The following CTNND2 variants were observed in gnomAD, a reference collection of about 807,000 sequenced individuals.
CTNND2 encodes the protein catenin delta 2, also known as catenin delta-2.
CTNND2 carries 22 observed loss-of-function variants against 144.4 expected under a neutral mutation model. The observed-to-expected ratio is 0.15, with a 90% CI of 0.11 to 0.22. The LOEUF is 0.22. Among genes scored for constraint, CTNND2 ranks in the 10% least tolerant of loss-of-function variants. The pLI is 1.00. For missense variants in CTNND2, 1,353 were observed against 1,618.8 expected, an observed-to-expected ratio of 0.84 and a Z score of 2.82; for synonymous variants, 751 against 695.6, an observed-to-expected ratio of 1.08 and a Z score of -1.25.
At chr5:10,999,985 G>A (rs1319607830) in intron 18 of CTNND2, among the ~76,000 whole-genome samples, 3 of 152,170 alleles carry the variant, frequency 2.0e-5, no homozygotes, top group Admixed American at 1.3e-4. Context: ...CGGTCTTCAC[G>A]GTATTTCTAG....
chr5:11,860,704 T>G (rs1795460049), intron 1 of CTNND2, among the ~76,000 whole-genome samples: 1 of 152,236 alleles, frequency 6.6e-6, no homozygotes, highest in Admixed American at 6.5e-5. Context: ...TTAGAACTTT[T>G]ACTTTACTTT....
At chr5:11,528,841 T>A (rs774355826) in intron 3 of CTNND2, among the ~76,000 whole-genome samples, 4 of 152,242 alleles carry the variant, frequency 2.6e-5, no homozygotes, top group Non-Finnish European at 5.9e-5. Context: ...CAGCAGGCAC[T>A]TTAGACTTCC....
At chr5:11,429,796 C>T (rs1445150851) in intron 3 of CTNND2, among the ~76,000 whole-genome samples, 2 of 152,162 alleles carry the variant, frequency 1.3e-5, no homozygotes, top group Admixed American at 6.5e-5. Flanking sequence ...AGCGGGTTCT[C>T]GCACCCCTCA....
At chr5:11,748,936 A>T (rs912847541) in intron 1 of CTNND2, among the ~76,000 whole-genome samples, 1 of 152,048 alleles carries the variant, frequency 6.6e-6, no homozygotes, top group African/African-American at 2.4e-5. Context: ...GTTATGAAAG[A>T]CACTCAGACT....
intron 16 of CTNND2, among the ~76,000 whole-genome samples, chr5:11,024,360 C>T (rs61751660): frequency 0.013 from 1,940 of 152,152 alleles, 31 homozygotes; most frequent in African/African-American, 0.045. Flanking sequence ...CTGCAAACCC[C>T]CAAATGTAGC....
intron 6 of CTNND2, among the ~76,000 whole-genome samples, chr5:11,393,579 G>T (rs1759819068): frequency 6.6e-6 from 1 of 152,100 alleles, no homozygotes; most frequent in Non-Finnish European, 1.5e-5. Flanking sequence ...AACTTTATGT[G>T]AGTGGAAAAA....
intron 9 of CTNND2, among the ~76,000 whole-genome samples, chr5:11,290,498 C>T (rs748675069): frequency 6.6e-6 from 1 of 152,130 alleles, no homozygotes; most frequent in Non-Finnish European, 1.5e-5. Flanking sequence ...TTAAATACCA[C>T]TTTTATATTG....
chr5:11,773,952 T>C (rs1790096787), intron 1 of CTNND2, among the ~76,000 whole-genome samples: 1 of 152,170 alleles, frequency 6.6e-6, no homozygotes, highest in Non-Finnish European at 1.5e-5. Context: ...TATCTTTTAA[T>C]ATCTGCACTT....
chr5:11,456,904 C>G (rs978328983), intron 3 of CTNND2, among the ~76,000 whole-genome samples: 1 of 152,146 alleles, frequency 6.6e-6, no homozygotes, highest in Non-Finnish European at 1.5e-5. Context: ...CTCTGGTCTT[C>G]ATATTCTGAA....
chr5:11,280,153 T>C (rs192447985), intron 9 of CTNND2, among the ~76,000 whole-genome samples: 50 of 152,228 alleles, frequency 3.3e-4, no homozygotes, highest in African/African-American at 1.2e-3. Context: ...CCCCAACCCA[T>C]CTCTATAAGC....
At chr5:11,198,222 T>A (rs1271157520) in intron 11 of CTNND2, among the ~76,000 whole-genome samples, 1 of 152,248 alleles carries the variant, frequency 6.6e-6, no homozygotes, top group African/African-American at 2.4e-5. Context: ...CCCTGACTCA[T>A]GTCTCCCCAC....
intron 9 of CTNND2, among the ~76,000 whole-genome samples, chr5:11,328,444 T>C (rs258842): frequency 0.98 from 149,883 of 152,166 alleles, 73,822 homozygotes; most frequent in East Asian, 1. Flanking sequence ...CAGGTGCTTG[T>C]CACCAGACCT....
chr5:11,662,052 T>C (rs1214488354), intron 2 of CTNND2, among the ~76,000 whole-genome samples: 1 of 150,324 alleles, frequency 6.7e-6, no homozygotes, highest in Non-Finnish European at 1.5e-5. Flanking sequence ...CACATATATA[T>C]ACATATTTCT....
chr5:11,072,173 A>G (rs964172834), intron 16 of CTNND2, among the ~76,000 whole-genome samples: 16 of 152,248 alleles, frequency 1.1e-4, no homozygotes, highest in African/African-American at 3.9e-4. Flanking sequence ...TCTCAAGGTG[A>G]GGACCACAGG....
At chr5:11,076,962 A>G (rs368266007) in intron 16 of CTNND2, among the ~76,000 whole-genome samples, 1 of 152,270 alleles carries the variant, frequency 6.6e-6, no homozygotes, top group African/African-American at 2.4e-5. Flanking sequence ...GCATGCATCT[A>G]GTAAATTTAT....
At chr5:11,069,228 T>G (rs997409853) in intron 16 of CTNND2, among the ~76,000 whole-genome samples, 1 of 152,210 alleles carries the variant, frequency 6.6e-6, no homozygotes, top group African/African-American at 2.4e-5. Flanking sequence ...ACTTATGGTG[T>G]TGTACACAGC....
chr5:11,203,140 A>C (rs566032956), intron 10 of CTNND2, among the ~76,000 whole-genome samples: 1 of 152,278 alleles, frequency 6.6e-6, no homozygotes, highest in South Asian at 2.1e-4. Flanking sequence ...TCCATCTACC[A>C]GTTTCTTCTG....
intron 2 of CTNND2, among the ~76,000 whole-genome samples, chr5:11,568,357 G>A (rs1777287647): frequency 6.6e-6 from 1 of 152,096 alleles, no homozygotes; most frequent in African/African-American, 2.4e-5. Context: ...ACTGCTGTGT[G>A]GAAACTCTCT....
chr5:10,974,511 C>T (rs1736209194), intron 21 of CTNND2, among the ~76,000 whole-genome samples: 1 of 152,168 alleles, frequency 6.6e-6, no homozygotes, highest in Non-Finnish European at 1.5e-5. Flanking sequence ...TTGCAATAAA[C>T]ATTGGTGCAT....
Sources: allele counts gnomAD v4.1 joint callset (sites outside exome capture counted in the v4.1 genomes callset), GRCh38; gene constraint gnomAD v4.1.1; transcripts MANE v1.5; gene names NCBI Gene and HGNC (gene_info 2026-07-23, HGNC 2026-07-21).